The following HORMAD2 variants were observed in gnomAD, a reference collection of about 807,000 sequenced individuals.
HORMAD2 encodes the protein HORMA domain containing 2, also known as HORMA domain-containing protein 2.
HORMAD2 carries 45 observed loss-of-function variants against 38.8 expected under a neutral mutation model. That is an observed-to-expected ratio of 1.16 (90% CI 0.91 to 1.49). The LOEUF is 1.49. HORMAD2 is among the 40% of genes most tolerant of loss of function. The probability of loss-of-function intolerance (pLI) is 0.00; values close to 1 mark genes in which losing one functional copy is unlikely to be tolerated. For synonymous variants in HORMAD2, 126 were observed against 122.8 expected (o/e 1.03, Z -0.17); for missense variants, 338 against 367.0 (o/e 0.92, Z 0.65).
upstream of HORMAD2, among the ~76,000 whole-genome samples, chr22:30,078,607 CAAAAAAAAAAAAAAAAA>C (rs55966787): frequency 7.1e-5 from 2 of 28,102 alleles, no homozygotes; most frequent in Admixed American, 6.0e-4. Flanking sequence ...CTCTGTCTCA[CAAAAAAAAAAAAAAAAA>C]AAAAAAAAAA....
At chr22:30,119,785 A>C (rs1478600229) in intron 8 of HORMAD2, among the ~76,000 whole-genome samples, 1 of 152,094 alleles carries the variant, frequency 6.6e-6, no homozygotes, top group East Asian at 1.9e-4. Context: ...CTGATGAGAG[A>C]CATGGCCTAA....
At chr22:30,119,087 G>C (rs1015731274) in intron 8 of HORMAD2, 40 bp downstream of exon 8, 2 of 1,381,304 alleles carry the variant, frequency 1.4e-6, no homozygotes, top group Non-Finnish European at 2.0e-6. Context: ...AAATAAATAG[G>C]ATTGAGGTAA....
At chr22:30,124,035 A>G (rs1922655882) in intron 10 of HORMAD2, among the ~76,000 whole-genome samples, 1 of 151,786 alleles carries the variant, frequency 6.6e-6, no homozygotes, top group South Asian at 2.1e-4. Flanking sequence ...CTAAGAACGC[A>G]TAGTTCAACT....
At chr22:30,171,713 G>A (rs1460105021) in intron 10 of HORMAD2, among the ~76,000 whole-genome samples, 2 of 152,100 alleles carry the variant, frequency 1.3e-5, no homozygotes, top group Non-Finnish European at 1.5e-5. Context: ...ACCAAGACAT[G>A]TATGTTCCTA....
downstream of HORMAD2, among the ~76,000 whole-genome samples, chr22:30,181,760 C>T (rs193244381): frequency 2.7e-3 from 414 of 152,298 alleles, no homozygotes; most frequent in Non-Finnish European, 4.2e-3. Context: ...TTGGCCTCAA[C>T]CTATTAAAGA....
At chr22:30,151,097 A>T (rs1924720036) in intron 10 of HORMAD2, among the ~76,000 whole-genome samples, 1 of 152,126 alleles carries the variant, frequency 6.6e-6, no homozygotes, top group African/African-American at 2.4e-5. Flanking sequence ...CGTGCATTTG[A>T]CTGGTCCTCG....
chr22:30,155,076 TAAAA>T (rs76739346), intron 10 of HORMAD2, among the ~76,000 whole-genome samples: 3 of 138,034 alleles, frequency 2.2e-5, no homozygotes, highest in African/African-American at 5.3e-5. Context: ...TTGCTTTTTT[TAAAA>T]AAAAAAAAAA....
rs1926443685 is a variant in HORMAD2, at chr22:30,176,115, A to T, written c.872A>T (p.Lys291Met). Reference sequence around the variant, plus strand: ...CAGCAAAGTTCTGAGTGCTCCAGGAAGAAGAGGAAGGTCAGTGAACCAGTG... The same window carrying T: ...CAGCAAAGTTCTGAGTGCTCCAGGATGAAGAGGAAGGTCAGTGAACCAGTG... ...CSQQSSECSR[K>M]KRKVSEPVKV... The change falls in exon 11 of 11, where the codon AAG becomes ATG. Residue 291 changes from lysine (K) to methionine (M), a missense_variant. Transcript: ENST00000336726. The T allele has an allele frequency of 6.2e-7, 1 of 1,613,438 alleles. No individual in the cohort carries two copies. The highest frequency in any genetic ancestry group is 2.2e-5 in the East Asian group (1 of 44,886).
At chr22:30,166,487 A>T (rs1243186724) in intron 10 of HORMAD2, among the ~76,000 whole-genome samples, 1 of 152,226 alleles carries the variant, frequency 6.6e-6, no homozygotes, top group Non-Finnish European at 1.5e-5. Flanking sequence ...CATGTAGCTA[A>T]TAGCTATCAT....
intron 1 of HORMAD2, among the ~76,000 whole-genome samples, chr22:30,088,721 T>A (rs1161743822): frequency 6.6e-6 from 1 of 151,446 alleles, no homozygotes; most frequent in Non-Finnish European, 1.5e-5. Context: ...TTTTATTAAG[T>A]TTTATTAGTT....
chr22:30,113,410 T>A (rs5763782), intron 7 of HORMAD2, among the ~76,000 whole-genome samples: 1 of 152,012 alleles, frequency 6.6e-6, no homozygotes, highest in Admixed American at 6.5e-5. Context: ...TTTTAATTTT[T>A]ATATTTTTAG....
At chr22:30,085,457 TA>T (rs955263626) in intron 1 of HORMAD2, among the ~76,000 whole-genome samples, 1 of 152,122 alleles carries the variant, frequency 6.6e-6, no homozygotes, top group Non-Finnish European at 1.5e-5. Flanking sequence ...TTATACCTAT[TA>T]AAAAAACTTT....
downstream of HORMAD2, among the ~76,000 whole-genome samples, chr22:30,178,710 C>T (rs1364121169): frequency 6.6e-6 from 1 of 152,200 alleles, no homozygotes; most frequent in Non-Finnish European, 1.5e-5. Context: ...CTGTTCTAGA[C>T]CAGCCATTCC....
chr22:30,203,953 C>T, the HORMAD2 span, among the ~76,000 whole-genome samples: 1 of 152,170 alleles, frequency 6.6e-6, no homozygotes, highest in South Asian at 2.1e-4. Context: ...CATATGTGTG[C>T]ACACATTGTC....
chr22:30,079,846 A>C (rs2068436717), upstream of HORMAD2, among the ~76,000 whole-genome samples: 8 of 152,130 alleles, frequency 5.3e-5, 1 homozygote, highest in South Asian at 1.7e-3. Flanking sequence ...CGCCCAGCTA[A>C]TTTTTGTATT....
chr22:30,169,465 T>C (rs1054363533), intron 10 of HORMAD2, among the ~76,000 whole-genome samples: 1 of 152,192 alleles, frequency 6.6e-6, no homozygotes, highest in Admixed American at 6.5e-5. Context: ...TAAATGGAAA[T>C]ATCTGATTAT....
At chr22:30,203,237 A>G in the HORMAD2 span, among the ~76,000 whole-genome samples, 1 of 54,662 alleles carries the variant, frequency 1.8e-5, no homozygotes, top group African/African-American at 3.6e-5. Context: ...TCTACAAAAT[A>G]TACAAAAATT....
At chr22:30,114,640 TA>T (rs1921907372) in intron 7 of HORMAD2, among the ~76,000 whole-genome samples, 1 of 152,226 alleles carries the variant, frequency 6.6e-6, no homozygotes, top group African/African-American at 2.4e-5. Flanking sequence ...TAACAATGTT[TA>T]TATATGCCTG....
intron 3 of HORMAD2, among the ~76,000 whole-genome samples, chr22:30,101,887 T>A (rs918201261): frequency 6.6e-6 from 1 of 151,976 alleles, no homozygotes; most frequent in African/African-American, 2.4e-5. Flanking sequence ...AACAACACGG[T>A]GAAACCCTGT....
Sources: allele counts gnomAD v4.1 joint callset (sites outside exome capture counted in the v4.1 genomes callset), GRCh38; gene constraint gnomAD v4.1.1; transcripts MANE v1.5; gene names NCBI Gene and HGNC (gene_info 2026-07-23, HGNC 2026-07-21).